Variants in PARD3B observed in about 807,000 individuals in gnomAD.
PARD3B encodes the protein par-3 family cell polarity regulator beta, also known as partitioning defective 3 homolog B.
PARD3B carries 103 observed loss-of-function variants against 130.2 expected under a neutral mutation model. The observed-to-expected ratio is 0.79, with a 90% CI of 0.67 to 0.93. The LOEUF (loss-of-function observed/expected upper bound fraction) is 0.93. PARD3B is among the 40% of genes least tolerant of loss of function. The pLI, the probability that PARD3B is intolerant of heterozygous loss-of-function variation, is 0.00. For synonymous variants in PARD3B, 583 were observed against 553.2 expected (o/e 1.05, Z -0.76); for missense variants, 1,609 against 1,499.2 (o/e 1.07, Z -1.21).
chr2:205,290,766 GTATTAGTAGA>G (rs1559626910), intron 16 of PARD3B, among the ~76,000 whole-genome samples: 2 of 152,148 alleles, frequency 1.3e-5, no homozygotes, highest in African/African-American at 4.8e-5. Context: ...CAATATGATG[GTATTAGTAGA>G]TAGGGCCTTT....
chr2:204,749,318 T>G (rs1229386473), intron 2 of PARD3B, among the ~76,000 whole-genome samples: 1 of 152,194 alleles, frequency 6.6e-6, no homozygotes, highest in Non-Finnish European at 1.5e-5. Context: ...ATATCAATTT[T>G]TTGGTTTAGG....
intron 21 of PARD3B, among the ~76,000 whole-genome samples, chr2:205,526,659 G>T (rs544257562): frequency 6.6e-6 from 1 of 152,192 alleles, no homozygotes; most frequent in South Asian, 2.1e-4. Context: ...TTTAGTTCTA[G>T]TGAAGAAAAT....
At chr2:204,560,656 G>C (rs191716357) in intron 1 of PARD3B, among the ~76,000 whole-genome samples, 85 of 152,250 alleles carry the variant, frequency 5.6e-4, no homozygotes, top group African/African-American at 2.0e-3. Context: ...GGGGAGAAGA[G>C]GATAGAATTG....
intron 2 of PARD3B, among the ~76,000 whole-genome samples, chr2:204,820,644 A>T (rs951830080): frequency 1.3e-5 from 2 of 151,716 alleles, no homozygotes; most frequent in African/African-American, 4.8e-5. Flanking sequence ...GTGAAACCTC[A>T]TCTCTACTAA....
chr2:204,760,755 A>G (rs1022661415), intron 2 of PARD3B, among the ~76,000 whole-genome samples: 5 of 152,130 alleles, frequency 3.3e-5, no homozygotes, highest in Non-Finnish European at 7.4e-5. Context: ...AAAATTATTT[A>G]CTTTTCGTAG....
intron 10 of PARD3B, among the ~76,000 whole-genome samples, chr2:205,148,992 G>T (rs769869219): frequency 3.7e-4 from 56 of 152,108 alleles, no homozygotes; most frequent in Non-Finnish European, 6.8e-4. Context: ...CCTGTGGACT[G>T]GTGGATTCCC....
At chr2:204,639,632 A>G (rs1366798157) in intron 1 of PARD3B, among the ~76,000 whole-genome samples, 2 of 152,208 alleles carry the variant, frequency 1.3e-5, no homozygotes, top group Admixed American at 6.5e-5. Context: ...GAGATGATTT[A>G]AAACTATAGG....
At chr2:205,222,395 T>A (rs1921797) in intron 15 of PARD3B, among the ~76,000 whole-genome samples, 1 of 151,952 alleles carries the variant, frequency 6.6e-6, no homozygotes, top group African/African-American at 2.4e-5. Context: ...TCATAACCCT[T>A]CTTAGCCTAA....
At chr2:204,741,545 G>A (rs2040011861) in intron 2 of PARD3B, among the ~76,000 whole-genome samples, 1 of 152,026 alleles carries the variant, frequency 6.6e-6, no homozygotes, top group South Asian at 2.1e-4. Flanking sequence ...TTTAATCTTA[G>A]AGCCCTCCAT....
intron 16 of PARD3B, among the ~76,000 whole-genome samples, chr2:205,248,403 G>A (rs928652073): frequency 3.3e-5 from 5 of 151,688 alleles, no homozygotes; most frequent in African/African-American, 1.2e-4. Flanking sequence ...TGGTGGTGGT[G>A]GTGGTGGTGG....
chr2:205,521,162 C>G (rs1377243817), intron 21 of PARD3B, among the ~76,000 whole-genome samples: 2 of 151,318 alleles, frequency 1.3e-5, no homozygotes, highest in Non-Finnish European at 2.9e-5. Context: ...TTAGAGCAAC[C>G]CTATTAAAAT....
chr2:205,150,211 C>CTGTGTGTGTG (rs71409001), intron 10 of PARD3B, among the ~76,000 whole-genome samples: 31 of 134,280 alleles, frequency 2.3e-4, no homozygotes, highest in African/African-American at 6.2e-4. Context: ...CAGCCAGGCT[C>CTGTGTGTGTG]TGTGTGTGTG....
chr2:205,614,047 A>C (rs528178495), intron 22 of PARD3B, among the ~76,000 whole-genome samples: 51 of 152,282 alleles, frequency 3.3e-4, no homozygotes, highest in African/African-American at 1.2e-3. Context: ...GAGTGGCAAA[A>C]AAATGGGAAG....
In PARD3B at chr2:205,592,916, C is replaced by A. The variant is rs143779877; in HGVS notation, c.3261-22540C>A. Reference sequence around the variant, plus strand: ...CAGATGCCCCATGGCACTGACTCAGCCTTGAGCAGAAGCACTGTGTTTTGT... The same window carrying A: ...CAGATGCCCCATGGCACTGACTCAGACTTGAGCAGAAGCACTGTGTTTTGT... On this transcript the variant is annotated intron_variant, in intron 22 of 22. Coordinates refer to ENST00000406610, the MANE Select transcript of PARD3B (RefSeq NM_001302769.2). This position sits in a 1 kb window ranked among gnomAD's most constrained non-coding sequence, Gnocchi z 4.5. Among the ~76,000 whole-genome samples the A allele has an allele frequency of 6.6e-6, 1 of 152,380 alleles. No individual in the cohort carries two copies. Among genetic ancestry groups the A allele is most frequent in the Non-Finnish European group, 1.5e-5 (1 of 68,044 alleles).
intron 15 of PARD3B, among the ~76,000 whole-genome samples, chr2:205,226,585 A>G (rs2038564316): frequency 6.6e-6 from 1 of 152,142 alleles, no homozygotes; most frequent in Non-Finnish European, 1.5e-5. Context: ...ATGAATATCC[A>G]GTTTTCCCAG....
intron 2 of PARD3B, among the ~76,000 whole-genome samples, chr2:204,732,640 T>G (rs1338670259): frequency 1.3e-5 from 2 of 151,984 alleles, no homozygotes; most frequent in Non-Finnish European, 2.9e-5. Context: ...AGTAAGGATT[T>G]CTTACTTCTT....
At chr2:204,980,251 C>G (rs1051091702) in intron 3 of PARD3B, among the ~76,000 whole-genome samples, 1 of 152,104 alleles carries the variant, frequency 6.6e-6, no homozygotes, top group Non-Finnish European at 1.5e-5. Flanking sequence ...ACATTAAAAC[C>G]ACATTGCAAA....
chr2:205,609,088 TTA>T (rs1185736062), intron 22 of PARD3B, among the ~76,000 whole-genome samples: 1 of 152,230 alleles, frequency 6.6e-6, no homozygotes, highest in African/African-American at 2.4e-5. Context: ...TCATTATATT[TTA>T]TGATTCCGTA....
At chr2:205,045,089 A>T (rs1353205547) in intron 3 of PARD3B, among the ~76,000 whole-genome samples, 1 of 151,516 alleles carries the variant, frequency 6.6e-6, no homozygotes, top group Non-Finnish European at 1.5e-5. Flanking sequence ...TGATATGTTT[A>T]AGAAAGATCT....
Sources: allele counts gnomAD v4.1 joint callset (sites outside exome capture counted in the v4.1 genomes callset), GRCh38; gene constraint gnomAD v4.1.1; non-coding constraint Gnocchi (gnomAD v3.1); transcripts MANE v1.5; gene names NCBI Gene and HGNC (gene_info 2026-07-23, HGNC 2026-07-21).